The following KCTD8 variants were observed in gnomAD, a reference collection of about 807,000 sequenced individuals.
The protein encoded by KCTD8 is potassium channel tetramerization domain containing 8, also known as BTB/POZ domain-containing protein KCTD8.
KCTD8 carries 27 observed loss-of-function variants against 31.5 expected under a neutral mutation model. That is an observed-to-expected ratio of 0.86 (90% confidence interval 0.63 to 1.18). The LOEUF is 1.18. Among genes scored for constraint, KCTD8 ranks in the 50% most tolerant of loss-of-function variants. The pLI is 0.00. For synonymous variants in KCTD8, 290 were observed against 280.0 expected (o/e 1.04, Z -0.36); for missense variants, 658 against 647.7 (o/e 1.02, Z -0.17).
At chr4:44,348,558 T>C (rs921189228) in intron 1 of KCTD8, among the ~76,000 whole-genome samples, 10 of 152,320 alleles carry the variant, frequency 6.6e-5, no homozygotes, top group Admixed American at 5.2e-4. Context: ...TATGTGTGTC[T>C]TCACTACTGT....
At chr4:44,361,613 G>T (rs1293412300) in intron 1 of KCTD8, among the ~76,000 whole-genome samples, 1 of 152,038 alleles carries the variant, frequency 6.6e-6, no homozygotes, top group African/African-American at 2.4e-5. Context: ...TATGTAATCT[G>T]CATTGTTGAA....
Position 44,276,208 on chromosome 4 carries a change from C to T in KCTD8, c.962-100958G>A, listed in dbSNP as rs201227281. Reference sequence around the variant, plus strand: ...ATCCCCATGTATGGATTATTCTAAACAATTTCCATAATAAGATACTCCTCC... The same window carrying T: ...ATCCCCATGTATGGATTATTCTAAATAATTTCCATAATAAGATACTCCTCC... On this transcript the variant is annotated intron_variant, in intron 1 of 1. Transcript: ENST00000360029. Among the ~76,000 whole-genome samples, 11 of 152,104 alleles carry T rather than the reference C, an allele frequency of 7.2e-5. No individual in the cohort carries two copies. The East Asian group carries it at 1.9e-3, about 27-fold the overall frequency.
intron 1 of KCTD8, among the ~76,000 whole-genome samples, chr4:44,305,801 C>T (rs1004849167): frequency 3.3e-5 from 5 of 151,478 alleles, no homozygotes; most frequent in African/African-American, 1.2e-4. Context: ...TTATAAAATC[C>T]AACCATTTAC....
chr4:44,215,424 A>G (rs1714620004), intron 1 of KCTD8, among the ~76,000 whole-genome samples: 1 of 152,236 alleles, frequency 6.6e-6, no homozygotes, highest in South Asian at 2.1e-4. Context: ...AATAGAGAAT[A>G]GGATCTTAGT....
chr4:44,197,047 A>C (rs561962492), intron 1 of KCTD8, among the ~76,000 whole-genome samples: 1 of 152,140 alleles, frequency 6.6e-6, no homozygotes, highest in Admixed American at 6.5e-5. Flanking sequence ...CAGTGACCCT[A>C]CCCCTGCCTG....
intron 1 of KCTD8, among the ~76,000 whole-genome samples, chr4:44,386,095 G>T (rs1720204993): frequency 6.6e-6 from 1 of 151,576 alleles, no homozygotes; most frequent in African/African-American, 2.4e-5. Flanking sequence ...GTGCATTGTT[G>T]TTGGGAAAGT....
At chr4:44,446,990 G>A (rs1158705528) in intron 1 of KCTD8, among the ~76,000 whole-genome samples, 2 of 152,288 alleles carry the variant, frequency 1.3e-5, no homozygotes, top group African/African-American at 2.4e-5. Flanking sequence ...GCCCCCTCGA[G>A]GGGCTCTGGG....
At chr4:44,410,813 A>C (rs1209183656) in intron 1 of KCTD8, among the ~76,000 whole-genome samples, 2 of 152,160 alleles carry the variant, frequency 1.3e-5, no homozygotes, top group African/African-American at 4.8e-5. Context: ...ACCTCTCACC[A>C]TGTCAGTCCC....
At position 44,398,513 on chromosome 4, in the gene KCTD8, C is replaced by T. The variant is rs1006569821; in HGVS notation, c.961+49050G>A. 4.6e-5 allele frequency among the ~76,000 whole-genome samples: 7 copies of T among 152,306 alleles called. No homozygotes were observed. The South Asian group carries it at 6.2e-4, about 14-fold the overall frequency. Reference sequence around the variant, plus strand: ...CCACTGTGGATCAACTATATTCTAGCTGTTGAGGACACACAGTTGATGAAG... The same window carrying T: ...CCACTGTGGATCAACTATATTCTAGTTGTTGAGGACACACAGTTGATGAAG... On this transcript the variant is annotated intron_variant, in intron 1 of 1. Coordinates refer to ENST00000360029, the MANE Select transcript of KCTD8 (RefSeq NM_198353.3).
intron 1 of KCTD8, among the ~76,000 whole-genome samples, chr4:44,278,065 GAC>G (rs1716800884): frequency 1.3e-5 from 2 of 151,952 alleles, no homozygotes; most frequent in South Asian, 4.1e-4. Context: ...TTGAGTTCCT[GAC>G]ACAGTTACCT....
rs540049569 is a variant in KCTD8, at chr4:44,202,896, T to A, written c.962-27646A>T. On this transcript the variant is annotated intron_variant, in intron 1 of 1. Transcript: ENST00000360029. Reference sequence around the variant, plus strand: ...TGAAAATTTTCTTTAGTTAGAGCAGTATTAAATAGGAAAATATTAGCACAC... The same window carrying A: ...TGAAAATTTTCTTTAGTTAGAGCAGAATTAAATAGGAAAATATTAGCACAC... 2.5e-4 allele frequency among the ~76,000 whole-genome samples: 38 copies of A among 152,284 alleles called. 2 individuals are homozygous for A. The South Asian group carries it at 7.7e-3, about 31-fold the overall frequency.
At chr4:44,405,621 T>C (rs1228824401) in intron 1 of KCTD8, among the ~76,000 whole-genome samples, 1 of 152,032 alleles carries the variant, frequency 6.6e-6, no homozygotes, top group Non-Finnish European at 1.5e-5. Context: ...CCAGATTTAA[T>C]GTTACTCTTC....
intron 1 of KCTD8, among the ~76,000 whole-genome samples, chr4:44,417,485 ACT>A (rs1413280696): frequency 6.6e-6 from 1 of 151,612 alleles, no homozygotes; most frequent in African/African-American, 2.4e-5. Flanking sequence ...AACTTGCCAC[ACT>A]CTTTTTATAA....
chr4:44,406,569 A>G (rs78480323), intron 1 of KCTD8, among the ~76,000 whole-genome samples: 2,839 of 152,268 alleles, frequency 0.019, 73 homozygotes, highest in Non-Finnish European at 0.028. Flanking sequence ...TCGAAGTCCA[A>G]TTAAGCCCCT....
chr4:44,255,003 G>T (rs921098747), intron 1 of KCTD8, among the ~76,000 whole-genome samples: 8 of 151,852 alleles, frequency 5.3e-5, no homozygotes, highest in African/African-American at 1.9e-4. Context: ...CCACACCCCA[G>T]AAATAATTTT....
At chr4:44,413,114 T>G (rs1720998390) in intron 1 of KCTD8, among the ~76,000 whole-genome samples, 1 of 152,208 alleles carries the variant, frequency 6.6e-6, no homozygotes, top group Middle Eastern at 3.2e-3. Context: ...AAATCCTATT[T>G]TAACAGAATG....
At chr4:44,429,848 T>C (rs980757322) in intron 1 of KCTD8, among the ~76,000 whole-genome samples, 4 of 151,672 alleles carry the variant, frequency 2.6e-5, no homozygotes, top group African/African-American at 9.7e-5. Context: ...TCCTCTACTA[T>C]TAGAACAGAA....
At chr4:44,302,149 C>T (rs189560119) in intron 1 of KCTD8, among the ~76,000 whole-genome samples, 32 of 152,162 alleles carry the variant, frequency 2.1e-4, no homozygotes, top group African/African-American at 6.5e-4. Context: ...AGTCAGGTAG[C>T]GTGATGCCTC....
chr4:44,358,416 T>C (rs1719402701), intron 1 of KCTD8, among the ~76,000 whole-genome samples: 1 of 152,146 alleles, frequency 6.6e-6, no homozygotes, highest in Non-Finnish European at 1.5e-5. Context: ...ATACCAGTAA[T>C]GGGATGGCTG....
Sources: gnomAD v4.1 joint callset for allele counts (sites outside exome capture counted in the v4.1 genomes callset) on GRCh38, gnomAD v4.1.1 for gene constraint, MANE v1.5 for transcripts, NCBI Gene and HGNC (gene_info 2026-07-23, HGNC 2026-07-21) for gene names.